Variants in KCNQ1 observed in about 807,000 individuals in gnomAD.
The protein encoded by KCNQ1 is potassium voltage-gated channel subfamily KQT member 1.
Under a neutral mutation model 72.4 loss-of-function variants are expected in KCNQ1, and 49 were observed. The observed-to-expected ratio is 0.68, with a 90% CI of 0.54 to 0.86. KCNQ1 has a LOEUF of 0.86. Among genes scored for constraint, KCNQ1 ranks in the 40% least tolerant of loss-of-function variants. KCNQ1 has a pLI of 0.00. For missense variants in KCNQ1, 790 were observed against 945.1 expected (o/e 0.84, Z 2.15); for synonymous variants, 450 against 412.6 (o/e 1.09, Z -1.10).
At chr11:2,672,515 AG>A (rs1850204864) in intron 11 of KCNQ1, 1 of 398,688 alleles carries the variant, frequency 2.5e-6, no homozygotes, top group Non-Finnish European at 4.4e-6. Flanking sequence ...CTGTGCTCCC[AG>A]GCCTCTCCAT....
intron 2 of KCNQ1, among the ~76,000 whole-genome samples, chr11:2,531,769 CTCCCTTG>C (rs1362985055): frequency 1.3e-5 from 2 of 152,220 alleles, no homozygotes; most frequent in East Asian, 1.9e-4. Context: ...CCCTGGCCGC[CTCCCTTG>C]TCCCTTTATC....
In KCNQ1 at chr11:2,627,844, G is replaced by A. The variant is rs1849286399; in HGVS notation, c.1394-34117G>A. The A allele has an allele frequency of 7.5e-6, 3 of 398,488 alleles. No homozygotes were observed. The highest frequency in any genetic ancestry group is 1.3e-5 in the Non-Finnish European group (3 of 226,132). The allele number at this position is 398,488 out of a possible 1,614,324, so 24.7% of individuals were successfully genotyped here. ...CAGTTCACTGTAGCCTCAACCTCATGGGCTCAAGTGATCCTCCTGCCTCAG... is the reference window on the plus strand; with the variant it reads ...CAGTTCACTGTAGCCTCAACCTCATAGGCTCAAGTGATCCTCCTGCCTCAG... On this transcript the variant is annotated intron_variant, in intron 10 of 15. Coordinates refer to ENST00000155840, the MANE Select transcript of KCNQ1 (RefSeq NM_000218.3). This position sits in a 1 kb window ranked among gnomAD's most constrained non-coding sequence, Gnocchi z 4.9.
rs965260330 is a variant in KCNQ1 at position 2,678,242 on chromosome 11, C to G, written c.1514+16161C>G. ...GTCTTTTATGGTTTGAGGTCCTTAT[C>G]TTAAATTCTGAAATAACCTCTCATC... On this transcript the variant is annotated intron_variant, in intron 11 of 15. Coordinates refer to ENST00000155840, the MANE Select transcript of KCNQ1 (RefSeq NM_000218.3). The surrounding 1 kb of genome is among the most constrained non-coding windows in gnomAD (Gnocchi z 4.9). The G allele has an allele frequency of 7.5e-6, 3 of 398,216 alleles. No homozygotes were observed. The highest frequency in any genetic ancestry group is 6.2e-5 in the African/African-American group (3 of 48,602). The allele number at this position is 398,216 out of a possible 1,614,324, so 24.7% of individuals were successfully genotyped here.
intron 10 of KCNQ1, chr11:2,610,365 A>G (rs1478169200): frequency 3.0e-5 from 12 of 398,156 alleles, no homozygotes; most frequent in Admixed American, 8.8e-5. Context: ...ATATAATGAT[A>G]TATCTTTAAA....
chr11:2,726,374 C>T (rs74441753), intron 11 of KCNQ1, among the ~76,000 whole-genome samples: 2,290 of 152,276 alleles, frequency 0.015, 55 homozygotes, highest in African/African-American at 0.052. Flanking sequence ...GACGGTGTGT[C>T]GAGTGAGGGT....
At chr11:2,741,131 C>T (rs188802152) in intron 11 of KCNQ1, among the ~76,000 whole-genome samples, 2 of 152,264 alleles carry the variant, frequency 1.3e-5, no homozygotes, top group East Asian at 1.9e-4. Context: ...GTGCTGCCTC[C>T]GGGGGAAGTC....
chr11:2,812,747 C>T (rs1466587423), intron 15 of KCNQ1, among the ~76,000 whole-genome samples: 3 of 152,124 alleles, frequency 2.0e-5, no homozygotes, highest in Non-Finnish European at 4.4e-5. Flanking sequence ...GCCGTGGGCC[C>T]CACGCCCCCG....
intron 15 of KCNQ1, among the ~76,000 whole-genome samples, chr11:2,797,978 C>T (rs1037777782): frequency 1.3e-5 from 2 of 152,346 alleles, no homozygotes; most frequent in East Asian, 3.9e-4. Context: ...TGGGCAGATG[C>T]AGCCCCTTTC....
rs1043019902 is a variant in KCNQ1, at chr11:2,559,780, G to A, written c.478-10848G>A. ...GATTGCAGCTCTGAAGGTCAGAGAT[G>A]GCCGCCAGCTGTGGGAAGGCCTGTG... On this transcript the variant is annotated intron_variant, in intron 2 of 15. Coordinates refer to ENST00000155840, the MANE Select transcript of KCNQ1 (RefSeq NM_000218.3). This position sits in a 1 kb window ranked among gnomAD's most constrained non-coding sequence, Gnocchi z 4.9. Among the ~76,000 whole-genome samples the A allele has an allele frequency of 2.6e-5, 4 of 152,068 alleles. No individual in the cohort carries two copies. Among genetic ancestry groups the A allele is most frequent in the African/African-American group, 9.7e-5 (4 of 41,412 alleles).
chr11:2,575,803 C>T (rs1037145315), intron 6 of KCNQ1, among the ~76,000 whole-genome samples: 3 of 152,194 alleles, frequency 2.0e-5, no homozygotes, highest in African/African-American at 7.2e-5. Flanking sequence ...CCCTCAGACA[C>T]ACCCTGAGAG....
chr11:2,764,198 C>CT lies in KCNQ1; in HGVS notation c.1515-4634dup, dbSNP rs35181224. On this transcript the variant is annotated intron_variant, in intron 11 of 15. Coordinates refer to ENST00000155840, the MANE Select transcript of KCNQ1 (RefSeq NM_000218.3). This position sits in a 1 kb window ranked among gnomAD's most constrained non-coding sequence, Gnocchi z 4.8. ...TGGGTTTTTTTGTTTTAGTTTTTGT[C>CT]TTTTTTTTTTTTAGGTAATGGAGTT... Among the ~76,000 whole-genome samples the CT allele has an allele frequency of 0.012, 1,717 of 144,648 alleles. 33 individuals are homozygous for CT. Among genetic ancestry groups the CT allele is most frequent in the African/African-American group, 0.038 (1,492 of 39,292 alleles). The allele number at this position is 144,648 out of a possible 152,430, so 94.9% of individuals were successfully genotyped here.
chr11:2,841,964 G>T (rs905969629), intron 15 of KCNQ1, among the ~76,000 whole-genome samples: 2 of 152,214 alleles, frequency 1.3e-5, no homozygotes, highest in African/African-American at 4.8e-5. Context: ...GGGTGTTGGG[G>T]TGGAGCTGAC....
chr11:2,513,235 G>A (rs556424251), intron 1 of KCNQ1, among the ~76,000 whole-genome samples: 4 of 152,260 alleles, frequency 2.6e-5, no homozygotes, highest in East Asian at 1.9e-4. Context: ...TCCAGGGGCC[G>A]TCACTCACCT....
chr11:2,514,774 C>A (rs528854584), intron 1 of KCNQ1, among the ~76,000 whole-genome samples: 3 of 152,142 alleles, frequency 2.0e-5, no homozygotes, highest in African/African-American at 7.2e-5. Flanking sequence ...TGCAGTGAGC[C>A]GAGATTGCGC....
Position 2,843,762 on chromosome 11 carries a change from C to T in KCNQ1, c.1795-4005C>T, listed in dbSNP as rs1036665116. On this transcript the variant is annotated intron_variant, in intron 15 of 15. Transcript: ENST00000155840. ...TCCCCGTTGCCTTGGGTTTGATCGC[C>T]GGCCGCCCGGGGCTCTCTAACTAGC... 5.9e-5 allele frequency among the ~76,000 whole-genome samples: 9 copies of T among 152,374 alleles called. No homozygotes were observed. In the East Asian group the frequency reaches 7.7e-4, roughly 13 times the overall value.
intron 11 of KCNQ1, among the ~76,000 whole-genome samples, chr11:2,722,706 G>A (rs1845689824): frequency 6.6e-6 from 1 of 152,072 alleles, no homozygotes; most frequent in Admixed American, 6.6e-5. Flanking sequence ...GACCTGTTTA[G>A]TAAATAGGCT....
At chr11:2,522,074 C>T (rs997219158) in intron 1 of KCNQ1, among the ~76,000 whole-genome samples, 15 of 152,372 alleles carry the variant, frequency 9.8e-5, no homozygotes, top group African/African-American at 2.2e-4. Flanking sequence ...GAAATGATGT[C>T]GGATAATTCA....
rs1475573982 is a variant in KCNQ1, at chr11:2,549,880, C to A, written c.478-20748C>A. On this transcript the variant is annotated intron_variant, in intron 2 of 15. Transcript: ENST00000155840. The surrounding 1 kb of genome is among the most constrained non-coding windows in gnomAD (Gnocchi z 6.2). Reference sequence around the variant, plus strand: ...CCCCTCCCTGGCTTTTCCTTCTGCACCACTCAATCTGGGGGTTCCGGCTCC... The same window carrying A: ...CCCCTCCCTGGCTTTTCCTTCTGCAACACTCAATCTGGGGGTTCCGGCTCC... Among the ~76,000 whole-genome samples, 1 of 152,162 alleles carries A rather than the reference C, an allele frequency of 6.6e-6. No homozygotes were observed. Among genetic ancestry groups the A allele is most frequent in the South Asian group, 2.1e-4 (1 of 4,832 alleles).
At chr11:2,474,016 T>C (rs1055684502) in intron 1 of KCNQ1, among the ~76,000 whole-genome samples, 1 of 152,204 alleles carries the variant, frequency 6.6e-6, no homozygotes, top group African/African-American at 2.4e-5. Context: ...AACCTGCTGC[T>C]TGGGGAAGGG....
Sources: gnomAD v4.1 joint callset for allele counts (sites outside exome capture counted in the v4.1 genomes callset) on GRCh38, gnomAD v4.1.1 for gene constraint, Gnocchi (gnomAD v3.1) non-coding constraint, MANE v1.5 for transcripts, NCBI Gene and HGNC (gene_info 2026-07-23, HGNC 2026-07-21) for gene names.